The following DPYSL2 variants were observed in gnomAD, a reference collection of about 807,000 sequenced individuals.
The protein encoded by DPYSL2 is dihydropyrimidinase like 2.
DPYSL2 carries 13 observed loss-of-function variants against 69.9 expected under a neutral mutation model. The observed-to-expected ratio is 0.19, with a 90% confidence interval of 0.12 to 0.30. DPYSL2 has a LOEUF of 0.30. DPYSL2 is among the 10% of genes least tolerant of loss of function. The pLI, the probability that DPYSL2 is intolerant of heterozygous loss-of-function variation, is 1.00. For missense variants in DPYSL2, 587 were observed against 918.9 expected, an observed-to-expected ratio of 0.64 and a Z score of 4.67; for synonymous variants, 326 against 359.1, an observed-to-expected ratio of 0.91 and a Z score of 1.04.
At chr8:26,573,748 A>T (rs1801278610) in intron 1 of DPYSL2, among the ~76,000 whole-genome samples, 1 of 150,986 alleles carries the variant, frequency 6.6e-6, no homozygotes, top group African/African-American at 2.4e-5. Flanking sequence ...GAGGCAGGAG[A>T]ATCACTTGAA....
At chr8:26,630,821 C>T (rs762739966) in intron 7 of DPYSL2, among the ~76,000 whole-genome samples, 1 of 152,188 alleles carries the variant, frequency 6.6e-6, no homozygotes, top group Non-Finnish European at 1.5e-5. Flanking sequence ...GCTACCCCAA[C>T]CCCTCCCGCA....
At chr8:26,561,959 A>G (rs1801078295) in intron 1 of DPYSL2, among the ~76,000 whole-genome samples, 1 of 152,144 alleles carries the variant, frequency 6.6e-6, no homozygotes, top group Admixed American at 6.5e-5. Context: ...GCGTTAATAT[A>G]CCACCATTCA....
chr8:26,545,930 G>C (rs1800759962), intron 1 of DPYSL2, among the ~76,000 whole-genome samples: 1 of 152,160 alleles, frequency 6.6e-6, no homozygotes, highest in African/African-American at 2.4e-5. Flanking sequence ...GGAAGTATCT[G>C]ACTTGTTCTA....
chr8:26,537,012 A>G (rs909117119), intron 1 of DPYSL2, among the ~76,000 whole-genome samples: 1 of 147,554 alleles, frequency 6.8e-6, no homozygotes, highest in African/African-American at 2.5e-5. Flanking sequence ...TGACAAGTAT[A>G]TAAATGGAGG....
chr8:26,647,596 TG>T lies in DPYSL2; in HGVS notation c.1426-33del, dbSNP rs1420009933. ...AACTTTTTAACTCGTTTCTGCTGTG[TG>T]CCTCCTGTGCACACCTATGCTGTCT... On this transcript the variant is annotated intron_variant, in intron 10 of 13. Transcript: ENST00000521913. This position sits in a 1 kb window ranked among gnomAD's most constrained non-coding sequence, Gnocchi z 5.1. 3.8e-6 allele frequency: 6 copies of T among 1,569,776 alleles called. No homozygotes were observed. The highest frequency in any genetic ancestry group is 5.2e-6 in the Non-Finnish European group (6 of 1,158,978).
chr8:26,608,751 G>A (rs1473295001), intron 3 of DPYSL2, among the ~76,000 whole-genome samples: 1 of 152,182 alleles, frequency 6.6e-6, no homozygotes, highest in East Asian at 1.9e-4. Context: ...AGCGCATGAT[G>A]GTACAATGGC....
At chr8:26,611,990 G>T (rs1293286380) in intron 3 of DPYSL2, among the ~76,000 whole-genome samples, 1 of 152,228 alleles carries the variant, frequency 6.6e-6, no homozygotes, top group Non-Finnish European at 1.5e-5. Context: ...GGTTGAGAGG[G>T]CACCAGACCT....
At position 26,642,599 on chromosome 8, in the gene DPYSL2, C is replaced by T. The variant is rs571396193; in HGVS notation, c.1127-840C>T. ...ATGAGCTGGCGAGAGATGATGAGGG[C>T]CTGATTTAAGGAACGATTGTATTGA... On this transcript the variant is annotated intron_variant, in intron 8 of 13. Coordinates refer to ENST00000521913, the MANE Select transcript of DPYSL2 (RefSeq NM_001197293.3). The surrounding 1 kb of genome is among the most constrained non-coding windows in gnomAD (Gnocchi z 5.3). Among the ~76,000 whole-genome samples, 4 of 152,162 alleles carry T rather than the reference C, an allele frequency of 2.6e-5. No individual in the cohort carries two copies. In the East Asian group the frequency reaches 7.7e-4, roughly 29 times the overall value.
Position 26,600,604 on chromosome 8 carries a change from T to C in DPYSL2, c.628+16621T>C, listed in dbSNP as rs1801969705. ...TTATCTTGACCTGTGATGTGAGAAC[T>C]TGGTTTGGGTGTGTTTTCCCTACTC... On this transcript the variant is annotated intron_variant, in intron 3 of 13. Coordinates refer to ENST00000521913, the MANE Select transcript of DPYSL2 (RefSeq NM_001197293.3). Among the ~76,000 whole-genome samples the C allele has an allele frequency of 2.0e-5, 3 of 152,146 alleles. No individual in the cohort carries two copies. In the South Asian group the frequency reaches 6.2e-4, roughly 32 times the overall value.
chr8:26,589,182 A>T (rs1466989867), intron 3 of DPYSL2, among the ~76,000 whole-genome samples: 3 of 152,122 alleles, frequency 2.0e-5, no homozygotes, highest in Admixed American at 6.5e-5. Flanking sequence ...TCAGCCAGGG[A>T]TGCCCTCCCT....
chr8:26,620,978 C>T lies in DPYSL2; in HGVS notation c.629-3165C>T, dbSNP rs1031882589. On this transcript the variant is annotated intron_variant, in intron 3 of 13. Transcript: ENST00000521913. This position sits in a 1 kb window ranked among gnomAD's most constrained non-coding sequence, Gnocchi z 4.5. ...ACACATATACACATATAAATACACACGTACATACATACACATACATACATG... is the reference window on the plus strand; with the variant it reads ...ACACATATACACATATAAATACACATGTACATACATACACATACATACATG... 7.9e-5 allele frequency among the ~76,000 whole-genome samples: 12 copies of T among 152,134 alleles called. No individual in the cohort carries two copies. Among genetic ancestry groups the T allele is most frequent in the African/African-American group, 2.7e-4 (11 of 41,426 alleles).
At chr8:26,555,946 AC>A (rs1402192919) in intron 1 of DPYSL2, among the ~76,000 whole-genome samples, 2 of 128,478 alleles carry the variant, frequency 1.6e-5, no homozygotes, top group Non-Finnish European at 3.1e-5. Context: ...TACTATATAT[AC>A]ATATACATGT....
In DPYSL2 at chr8:26,585,308, CTTGCCTGAGCTAGAGGAATG is replaced by C. The variant is rs1801576151; in HGVS notation, c.628+1331_628+1350del. ...GTCTATCTGGAAGCTTCTTTTCTAT[CTTGCCTGAGCTAGAGGAATG>C]TTGCCCTGCCATCCCCTCCTAGTCT... On this transcript the variant is annotated intron_variant, in intron 3 of 13. Transcript: ENST00000521913. This position sits in a 1 kb window ranked among gnomAD's most constrained non-coding sequence, Gnocchi z 4.0. Among the ~76,000 whole-genome samples, 1 of 152,042 alleles carries C rather than the reference CTTGCCTGAGCTAGAGGAATG, an allele frequency of 6.6e-6. No homozygotes were observed.
chr8:26,577,994 TCTCTC>T, intron 1 of DPYSL2: 1 of 40,876 alleles, frequency 2.4e-5, no homozygotes, highest in South Asian at 4.8e-4. Flanking sequence ...TCTCTCTCCT[TCTCTC>T]TCTCTCTCTC....
intron 1 of DPYSL2, among the ~76,000 whole-genome samples, chr8:26,538,968 T>C (rs11779715): frequency 0.098 from 14,942 of 152,202 alleles, 826 homozygotes; most frequent in Non-Finnish European, 0.12. Flanking sequence ...TCCAACAATG[T>C]TTTTCAGCAC....
chr8:26,541,415 T>G (rs1251912218), intron 1 of DPYSL2, among the ~76,000 whole-genome samples: 1 of 152,194 alleles, frequency 6.6e-6, no homozygotes, highest in East Asian at 1.9e-4. Context: ...GTCTTTTTGT[T>G]TCTTCTATCT....
intron 7 of DPYSL2, 111 bp from the exon 8 acceptor site, chr8:26,634,669 G>A: frequency 6.4e-7 from 1 of 1,571,406 alleles, no homozygotes; most frequent in East Asian, 2.2e-5. Flanking sequence ...GTAGGACCTT[G>A]GAGACCAGCA....
chr8:26,546,947 A>AAAAAAAAAAAAAAAAAAAAAAAAAAAAC (rs1800781445), intron 1 of DPYSL2, among the ~76,000 whole-genome samples: 1 of 145,516 alleles, frequency 6.9e-6, no homozygotes, highest in African/African-American at 2.5e-5. Context: ...AAAAAAAAAA[A>AAAAAAAAAAAAAAAAAAAAAAAAAAAAC]AAAAGAAAAG....
chr8:26,610,289 G>A lies in DPYSL2; in HGVS notation c.629-13854G>A, dbSNP rs1563408548. Among the ~76,000 whole-genome samples, 1 of 152,154 alleles carries A rather than the reference G, an allele frequency of 6.6e-6. No homozygotes were observed. Among genetic ancestry groups the A allele is most frequent in the Non-Finnish European group, 1.5e-5 (1 of 68,032 alleles). On this transcript the variant is annotated intron_variant, in intron 3 of 13. Coordinates refer to ENST00000521913, the MANE Select transcript of DPYSL2 (RefSeq NM_001197293.3). This position sits in a 1 kb window ranked among gnomAD's most constrained non-coding sequence, Gnocchi z 4.5. ...GATAGAATGAGAGATGAATTGATTT[G>A]TTCCTGATACATTCTGTTGGGATAC...
Sources: allele counts gnomAD v4.1 joint callset (sites outside exome capture counted in the v4.1 genomes callset), GRCh38; gene constraint gnomAD v4.1.1; non-coding constraint Gnocchi (gnomAD v3.1); transcripts MANE v1.5; gene names NCBI Gene and HGNC (gene_info 2026-07-23, HGNC 2026-07-21).